The following TTLL5 variants were observed in gnomAD, a reference collection of about 807,000 sequenced individuals.
TTLL5 encodes tubulin tyrosine ligase like 5, also known as tubulin polyglutamylase TTLL5.
Under a neutral mutation model 168.4 loss-of-function variants are expected in TTLL5, and 132 were observed. That is an observed-to-expected ratio of 0.78 (90% CI 0.68 to 0.91). The LOEUF (loss-of-function observed/expected upper bound fraction) is 0.91, where lower values mean the gene tolerates loss of function less well. TTLL5 is among the 40% of genes least tolerant of loss of function. The pLI is 0.00. For missense variants in TTLL5, 1,545 were observed against 1,581.5 expected, an observed-to-expected ratio of 0.98 and a Z score of 0.39; for synonymous variants, 546 against 558.6, an observed-to-expected ratio of 0.98 and a Z score of 0.32.
chr14:75,908,439 G>A lies in TTLL5; in HGVS notation c.3823+6215G>A, dbSNP rs952629640. On this transcript the variant is annotated intron_variant, in intron 31 of 31. Transcript: ENST00000298832. ...TTGCAAATGCAGTGCAGGCAGCAGA[G>A]GTCCCTTCAACCATAATCACGAACG... Among the ~76,000 whole-genome samples the A allele has an allele frequency of 6.5e-4, 99 of 152,352 alleles. 1 individual carries two copies. Among genetic ancestry groups the A allele is most frequent in the African/African-American group, 2.3e-3 (97 of 41,568 alleles).
At chr14:75,926,378 T>C (rs571349424) in intron 31 of TTLL5, among the ~76,000 whole-genome samples, 1 of 152,158 alleles carries the variant, frequency 6.6e-6, no homozygotes, top group African/African-American at 2.4e-5. Context: ...CGTGTGAATT[T>C]GATCCTGTCA....
At chr14:75,665,562 G>C (rs1883193304) in intron 2 of TTLL5, among the ~76,000 whole-genome samples, 1 of 152,158 alleles carries the variant, frequency 6.6e-6, no homozygotes, top group South Asian at 2.1e-4. Flanking sequence ...AGTGACAAAT[G>C]TAATACCTGT....
At chr14:75,867,683 C>G (rs1422591262) in intron 29 of TTLL5, among the ~76,000 whole-genome samples, 2 of 151,692 alleles carry the variant, frequency 1.3e-5, no homozygotes, top group African/African-American at 4.8e-5. Flanking sequence ...TCACTTGAAC[C>G]CGGGAGGCGG....
chr14:75,688,072 C>A (rs1885199825), intron 5 of TTLL5, among the ~76,000 whole-genome samples: 1 of 152,078 alleles, frequency 6.6e-6, no homozygotes, highest in South Asian at 2.1e-4. Flanking sequence ...AACTCCTTGG[C>A]TCCTTGGAAT....
chr14:75,736,343 T>C lies in TTLL5; in HGVS notation c.1281+1054T>C, dbSNP rs143145906. On this transcript the variant is annotated intron_variant, in intron 15 of 31. Coordinates refer to ENST00000298832, the MANE Select transcript of TTLL5 (RefSeq NM_015072.5). ...TTTTGCTTGCTAGTCTCATTTGGAG[T>C]AGTGCTATTTTCTGTTTGCGAAATC... 1.9e-3 allele frequency among the ~76,000 whole-genome samples: 295 copies of C among 152,280 alleles called. 2 individuals are homozygous for C. The highest frequency in any genetic ancestry group is 6.5e-3 in the African/African-American group (270 of 41,548).
At chr14:75,939,692 C>A (rs2140189679) in intron 31 of TTLL5, among the ~76,000 whole-genome samples, 1 of 152,108 alleles carries the variant, frequency 6.6e-6, no homozygotes, top group Non-Finnish European at 1.5e-5. Flanking sequence ...CCCAGCTGGA[C>A]CATTTACTTC....
chr14:75,738,798 C>G (rs1889064077), intron 15 of TTLL5, among the ~76,000 whole-genome samples: 1 of 152,008 alleles, frequency 6.6e-6, no homozygotes, highest in Non-Finnish European at 1.5e-5. Flanking sequence ...ATAGGTAATT[C>G]TAATTTATTT....
At chr14:75,850,295 A>G (rs557520394) in intron 28 of TTLL5, among the ~76,000 whole-genome samples, 247 of 151,140 alleles carry the variant, frequency 1.6e-3, no homozygotes, top group Non-Finnish European at 3.1e-3. Flanking sequence ...AATCCCAGCT[A>G]CTAGGGAAGC....
At chr14:75,906,019 G>A (rs1327438140) in intron 31 of TTLL5, among the ~76,000 whole-genome samples, 3 of 152,168 alleles carry the variant, frequency 2.0e-5, no homozygotes, top group Admixed American at 2.0e-4. Context: ...CTAGTAAAAT[G>A]TACTATAGCT....
chr14:75,811,157 G>GAGTGTA (rs1555347973), intron 27 of TTLL5, among the ~76,000 whole-genome samples: 1 of 2,040 alleles, frequency 4.9e-4, no homozygotes, highest in Non-Finnish European at 1.2e-3. Flanking sequence ...GAAAGAAAGA[G>GAGTGTA]TGTGTGTGTG....
At chr14:75,759,897 C>A (rs556036769) in intron 18 of TTLL5, among the ~76,000 whole-genome samples, 78 of 152,200 alleles carry the variant, frequency 5.1e-4, no homozygotes, top group Admixed American at 1.1e-3. Flanking sequence ...TGAAAAACCT[C>A]TTGCTATCAT....
intron 18 of TTLL5, among the ~76,000 whole-genome samples, chr14:75,759,747 C>T (rs1167637584): frequency 2.0e-5 from 3 of 151,964 alleles, no homozygotes; most frequent in Non-Finnish European, 4.4e-5. Context: ...TGAAATTCAC[C>T]ATATTAATTA....
intron 9 of TTLL5, chr14:75,709,438 T>G: frequency 2.2e-6 from 1 of 460,094 alleles, no homozygotes; most frequent in Non-Finnish European, 4.0e-6. Flanking sequence ...CCTGTCATAT[T>G]CTTAACTGAG....
At chr14:75,765,992 AAAGG>A in intron 19 of TTLL5, 66 bp from the exon 20 acceptor site, 1 of 1,407,542 alleles carries the variant, frequency 7.1e-7, no homozygotes, top group African/African-American at 1.4e-5. Flanking sequence ...TAAAAAGAGA[AAAGG>A]AAGGTATTGG....
intron 10 of TTLL5, 134 bp from the exon 11 acceptor site, chr14:75,719,601 T>A: frequency 1.6e-6 from 1 of 644,088 alleles, no homozygotes; most frequent in Non-Finnish European, 2.5e-6. Flanking sequence ...CAAGAAAAAA[T>A]GAGTAACTGG....
At chr14:75,920,539 A>T (rs2033790009) in intron 31 of TTLL5, among the ~76,000 whole-genome samples, 1 of 152,056 alleles carries the variant, frequency 6.6e-6, no homozygotes. Flanking sequence ...GAGAATGATG[A>T]TTTCTAGCTT....
intron 30 of TTLL5, among the ~76,000 whole-genome samples, chr14:75,892,524 G>A (rs1404684549): frequency 6.6e-6 from 1 of 152,156 alleles, no homozygotes; most frequent in African/African-American, 2.4e-5. Context: ...GCAATATCTG[G>A]AGACATTTAT....
At chr14:75,923,788 C>G (rs2033909936) in intron 31 of TTLL5, among the ~76,000 whole-genome samples, 1 of 152,148 alleles carries the variant, frequency 6.6e-6, no homozygotes, top group South Asian at 2.1e-4. Flanking sequence ...TCTTGTTGAT[C>G]TAATATTGAC....
At chr14:75,780,492 TACAA>T (rs1420057324) in intron 24 of TTLL5, among the ~76,000 whole-genome samples, 16 of 152,186 alleles carry the variant, frequency 1.1e-4, no homozygotes, top group Non-Finnish European at 2.1e-4. Flanking sequence ...GACATTCTGT[TACAA>T]ACAAAGCTCT....
Sources: gnomAD v4.1 joint callset for allele counts (sites outside exome capture counted in the v4.1 genomes callset) on GRCh38, gnomAD v4.1.1 for gene constraint, MANE v1.5 for transcripts, NCBI Gene and HGNC (gene_info 2026-07-23, HGNC 2026-07-21) for gene names.